Variants in USP37 observed in about 807,000 individuals in gnomAD.
The protein encoded by USP37 is ubiquitin carboxyl-terminal hydrolase 37.
Under a neutral mutation model 124.0 loss-of-function variants are expected in USP37, and 27 were observed. The observed-to-expected ratio is 0.22, with a 90% CI of 0.16 to 0.30. USP37 has a LOEUF of 0.30. Ranked by LOEUF, USP37 falls within the 10% of genes least tolerant of loss-of-function variation. USP37 has a pLI of 1.00. For missense variants in USP37, 889 were observed against 1,140.4 expected (o/e 0.78, Z 3.17); for synonymous variants, 365 against 388.0 (o/e 0.94, Z 0.70).
chr2:218,550,569 A>G (rs185530356), intron 5 of USP37, among the ~76,000 whole-genome samples: 2 of 151,812 alleles, frequency 1.3e-5, no homozygotes, highest in Admixed American at 1.3e-4. Flanking sequence ...AATAAGAATT[A>G]CTGAGCGAAC....
intron 11 of USP37, among the ~76,000 whole-genome samples, chr2:218,508,842 C>A (rs749174817): frequency 6.6e-6 from 1 of 152,148 alleles, no homozygotes; most frequent in Non-Finnish European, 1.5e-5. Flanking sequence ...TAAACTACTA[C>A]GGATAAGCCA....
intron 8 of USP37, among the ~76,000 whole-genome samples, chr2:218,541,575 G>A (rs1190192129): frequency 6.6e-6 from 1 of 152,068 alleles, no homozygotes; most frequent in Non-Finnish European, 1.5e-5. Context: ...CTATCAAGAT[G>A]AGCAGAAGTG....
At chr2:218,536,696 T>C (rs1308700105) in intron 8 of USP37, among the ~76,000 whole-genome samples, 1 of 152,188 alleles carries the variant, frequency 6.6e-6, no homozygotes, top group Non-Finnish European at 1.5e-5. Context: ...AGTACTTCCT[T>C]AGTAATTCAC....
At chr2:218,497,351 G>A (rs1450282572) in intron 13 of USP37, among the ~76,000 whole-genome samples, 8 of 151,670 alleles carry the variant, frequency 5.3e-5, no homozygotes, top group Non-Finnish European at 1.2e-4. Flanking sequence ...GATTATAGGC[G>A]TGAGCCACCG....
intron 8 of USP37, among the ~76,000 whole-genome samples, chr2:218,540,332 C>T (rs1691905911): frequency 6.6e-6 from 1 of 152,056 alleles, no homozygotes; most frequent in Non-Finnish European, 1.5e-5. Context: ...CAAAACAGTG[C>T]ACCATTTAAA....
At chr2:218,469,070 A>G (rs144368609) in intron 20 of USP37, among the ~76,000 whole-genome samples, 1 of 152,332 alleles carries the variant, frequency 6.6e-6, no homozygotes, top group East Asian at 1.9e-4. Flanking sequence ...TAAGTCAGCA[A>G]CTAGTTAGCA....
chr2:218,503,638 C>T (rs578063561), intron 11 of USP37, among the ~76,000 whole-genome samples: 2 of 152,236 alleles, frequency 1.3e-5, no homozygotes, highest in Non-Finnish European at 2.9e-5. Flanking sequence ...TTGCTTGAAC[C>T]CGGGAGGCGG....
chr2:218,518,689 C>T (rs987680205), intron 10 of USP37, among the ~76,000 whole-genome samples: 3 of 152,196 alleles, frequency 2.0e-5, no homozygotes, highest in Admixed American at 2.0e-4. Context: ...TAATAACTCA[C>T]ATTCAGAATC....
intron 20 of USP37, among the ~76,000 whole-genome samples, chr2:218,468,579 A>C (rs1690499335): frequency 6.6e-6 from 1 of 152,136 alleles, no homozygotes; most frequent in African/African-American, 2.4e-5. Context: ...TACTAAAGTA[A>C]ACCTCCTCAT....
chr2:218,500,388 T>C (rs1384222452), intron 11 of USP37, among the ~76,000 whole-genome samples: 1 of 152,040 alleles, frequency 6.6e-6, no homozygotes, highest in Non-Finnish European at 1.5e-5. Context: ...GCCTCCTGAG[T>C]AGCTGGGATT....
intron 11 of USP37, among the ~76,000 whole-genome samples, chr2:218,507,041 A>G (rs620049): frequency 0.66 from 100,657 of 151,860 alleles, 33,800 homozygotes; most frequent in East Asian, 0.9. Context: ...CAAGTGATCC[A>G]CCTGCCTTGG....
intron 22 of USP37, among the ~76,000 whole-genome samples, chr2:218,462,229 G>C (rs1262396882): frequency 6.6e-6 from 1 of 152,136 alleles, no homozygotes. Context: ...CAGCTACTCA[G>C]GAGGCTGAGG....
rs749143122 is a variant in USP37, at chr2:218,546,901, GAA to G, written c.602+16_602+17del. On this transcript the variant is annotated intron_variant, in intron 7 of 25. Transcript: ENST00000258399. ...ATTTACAGATACAGCTAGTGACTAA[GAA>G]AAAAGTCTCTCCTACCGATTTTCTA... 3 of 1,600,906 alleles carry G rather than the reference GAA, an allele frequency of 1.9e-6. No individual in the cohort carries two copies. In the South Asian group the frequency reaches 3.4e-5, roughly 18 times the overall value.
intron 3 of USP37, among the ~76,000 whole-genome samples, chr2:218,559,876 A>G (rs1385482644): frequency 6.6e-6 from 1 of 151,894 alleles, no homozygotes; most frequent in East Asian, 1.9e-4. Flanking sequence ...ACTACTCCAG[A>G]GGCTGAGATG....
chr2:218,561,247 T>A (rs2106062361), intron 2 of USP37, among the ~76,000 whole-genome samples: 1 of 152,348 alleles, frequency 6.6e-6, no homozygotes, highest in South Asian at 2.1e-4. Flanking sequence ...CTACAAAGAA[T>A]ACATCACTCT....
At chr2:218,515,495 T>C (rs1030144929) in intron 10 of USP37, among the ~76,000 whole-genome samples, 1 of 152,188 alleles carries the variant, frequency 6.6e-6, no homozygotes, top group Non-Finnish European at 1.5e-5. Flanking sequence ...GCTAGCCATA[T>C]GCAGAGAACA....
Position 218,455,610 on chromosome 2 carries a change from C to T in USP37, c.2822G>A (p.Arg941Gln), listed in dbSNP as rs370137412. 4.4e-5 allele frequency: 71 copies of T among 1,613,836 alleles called. No homozygotes were observed. Among genetic ancestry groups the T allele is most frequent in the Admixed American group, 1.3e-4 (8 of 59,978 alleles). Residue 941 changes from arginine to glutamine, a missense_variant, in exon 25 of 26, where the codon CGG (arginine) becomes CAG (glutamine). By Grantham distance (43) the Arg-to-Gln change is conservative. This residue lies in a region of USP37 where 504 missense variants were observed against 714.3 expected (regional missense o/e 0.71). Transcript: ENST00000258399. ...QEAAVQSDRD[R>Q]SGYIFFYMHK... Reference sequence around the variant, plus strand: ...CATATAAAAGAAGATGTAGCCACTCCGATCTCGATCACTCTGCACGGCAGC... The same window carrying T: ...CATATAAAAGAAGATGTAGCCACTCTGATCTCGATCACTCTGCACGGCAGC...
At chr2:218,493,895 A>T (rs1688930468) in intron 14 of USP37, among the ~76,000 whole-genome samples, 1 of 152,118 alleles carries the variant, frequency 6.6e-6, no homozygotes, top group Non-Finnish European at 1.5e-5. Context: ...ATTTTCCTAT[A>T]AAAAAAATTT....
chr2:218,469,677 G>A (rs534063853), intron 20 of USP37, among the ~76,000 whole-genome samples: 1 of 152,130 alleles, frequency 6.6e-6, no homozygotes, highest in East Asian at 1.9e-4. Context: ...ATATACATTT[G>A]TCTTCAGGAT....
Sources: gnomAD v4.1 joint callset for allele counts (sites outside exome capture counted in the v4.1 genomes callset) on GRCh38, gnomAD v4.1.1 for gene constraint, gnomAD v4.1.1 regional missense constraint, MANE v1.5 for transcripts, NCBI Gene and HGNC (gene_info 2026-07-23, HGNC 2026-07-21) for gene names.